Variants in LGI1 observed in about 807,000 individuals in gnomAD.
LGI1 encodes leucine-rich glioma-inactivated protein 1.
LGI1 carries 11 observed loss-of-function variants against 57.7 expected under a neutral mutation model. The ratio of observed to expected loss-of-function variants is 0.19; its 90% CI spans 0.12 to 0.32. LGI1 has a LOEUF of 0.32. Among genes scored for constraint, LGI1 ranks in the 10% least tolerant of loss-of-function variants. LGI1 has a pLI of 1.00. For synonymous variants in LGI1, 222 were observed against 241.9 expected (o/e 0.92, Z 0.76); for missense variants, 422 against 661.9 (o/e 0.64, Z 3.98).
chr10:93,785,062 T>C (rs1173902692), intron 4 of LGI1, among the ~76,000 whole-genome samples: 2 of 152,208 alleles, frequency 1.3e-5, no homozygotes, highest in African/African-American at 4.8e-5. Context: ...GAAATAATTA[T>C]TATTCCATAT....
intron 4 of LGI1, 46 bp from the exon 5 acceptor site, chr10:93,790,053 T>G: frequency 6.5e-7 from 1 of 1,539,662 alleles, no homozygotes; most frequent in South Asian, 1.2e-5. Flanking sequence ...TGCCTTTGTT[T>G]AATTTATCAC....
intron 2 of LGI1, chr10:93,767,178 G>A (rs1283062826): frequency 6.6e-6 from 1 of 152,190 alleles, no homozygotes; most frequent in Non-Finnish European, 1.5e-5. Flanking sequence ...AGAGCAGCTA[G>A]TTTCCCTAGG....
Position 93,760,646 on chromosome 10 carries a change from C to A in LGI1, c.287+1815C>A, listed in dbSNP as rs1381455736. Among the ~76,000 whole-genome samples the A allele has an allele frequency of 2.0e-5, 3 of 152,260 alleles. No individual in the cohort carries two copies. The East Asian group carries it at 5.8e-4, about 29-fold the overall frequency. The stretch of plus-strand genomic sequence containing the variant: ...TTTGTTTTTGTTGGGTGGACCCAGT[C>A]ACGGCAAGCACAGATGCTGGACAAT... On this transcript the variant is annotated intron_variant, in intron 2 of 7. Transcript: ENST00000371418.
intron 7 of LGI1, among the ~76,000 whole-genome samples, chr10:93,796,429 G>A (rs2059980266): frequency 6.6e-6 from 1 of 152,098 alleles, no homozygotes; most frequent in Non-Finnish European, 1.5e-5. Flanking sequence ...CCCCAGCTTG[G>A]GTTAAAAGCA....
At chr10:93,781,936 G>C (rs902489759) in intron 4 of LGI1, among the ~76,000 whole-genome samples, 1 of 152,156 alleles carries the variant, frequency 6.6e-6, no homozygotes, top group Non-Finnish European at 1.5e-5. Context: ...CACTGAGGGG[G>C]TACAAAGGAC....
chr10:93,789,086 A>T (rs1199991168), intron 4 of LGI1: 1 of 152,212 alleles, frequency 6.6e-6, no homozygotes, highest in Non-Finnish European at 1.5e-5. Flanking sequence ...TGACATTATC[A>T]GGACAATTTT....
At chr10:93,775,216 T>A (rs2059781887) in intron 2 of LGI1, among the ~76,000 whole-genome samples, 1 of 152,172 alleles carries the variant, frequency 6.6e-6, no homozygotes, top group Admixed American at 6.5e-5. Flanking sequence ...AAGATGCCCC[T>A]TGTGTTCTCT....
chr10:93,761,441 G>T (rs903844923), intron 2 of LGI1, among the ~76,000 whole-genome samples: 1 of 152,138 alleles, frequency 6.6e-6, no homozygotes, highest in African/African-American at 2.4e-5. Flanking sequence ...CTTTATTGTT[G>T]GGAAGGGTTA....
chr10:93,768,159 T>C (rs181148163), intron 2 of LGI1: 1 of 152,316 alleles, frequency 6.6e-6, no homozygotes, highest in Non-Finnish European at 1.5e-5. Flanking sequence ...CTCAACCCTT[T>C]GAAGATCGTG....
At chr10:93,776,039 A>G (rs944400542) in intron 2 of LGI1, 50 of 152,214 alleles carry the variant, frequency 3.3e-4, no homozygotes, top group African/African-American at 1.2e-3. Context: ...TGTGATGGAA[A>G]TCATACAGCT....
intron 2 of LGI1, among the ~76,000 whole-genome samples, chr10:93,760,623 TG>T (rs2059612675): frequency 6.6e-6 from 1 of 152,222 alleles, no homozygotes; most frequent in African/African-American, 2.4e-5. Context: ...ATCTCCACTT[TG>T]TTTTTGTTGG....
At chr10:93,780,764 T>A in intron 4 of LGI1, among the ~76,000 whole-genome samples, 1 of 152,194 alleles carries the variant, frequency 6.6e-6, no homozygotes. Context: ...ATAGCTTTTA[T>A]TGAGCTGGCT....
intron 7 of LGI1, among the ~76,000 whole-genome samples, chr10:93,796,141 G>C (rs1443920897): frequency 6.6e-6 from 1 of 152,202 alleles, no homozygotes; most frequent in Non-Finnish European, 1.5e-5. Context: ...TAACTTTCAG[G>C]AGCAGTGCCC....
chr10:93,758,899 G>A lies in LGI1; in HGVS notation c.287+68G>A, dbSNP rs2059594224. The A allele has an allele frequency of 1.2e-5, 13 of 1,094,292 alleles. No homozygotes were observed. The highest frequency in any genetic ancestry group is 1.2e-4 in the South Asian group (9 of 78,202). The allele number at this position is 1,094,292 out of a possible 1,614,324, so 67.8% of individuals were successfully genotyped here. On this transcript the variant is annotated intron_variant, in intron 2 of 7. Coordinates refer to ENST00000371418, the MANE Select transcript of LGI1 (RefSeq NM_005097.4). This position sits in a 1 kb window ranked among gnomAD's most constrained non-coding sequence, Gnocchi z 4.7. Reference sequence around the variant, plus strand: ...ATTTGGATAAGCCTTCTAGTAAAATGATCTCAATATTAATTTTGTCAAATG... The same window carrying A: ...ATTTGGATAAGCCTTCTAGTAAAATAATCTCAATATTAATTTTGTCAAATG...
At chr10:93,773,387 A>C (rs1275090515) in intron 2 of LGI1, among the ~76,000 whole-genome samples, 1 of 152,066 alleles carries the variant, frequency 6.6e-6, no homozygotes, top group Non-Finnish European at 1.5e-5. Context: ...GGGCCTTGCG[A>C]CCTCAAGGAA....
chr10:93,771,011 G>T (rs1326655855), intron 2 of LGI1: 1 of 151,596 alleles, frequency 6.6e-6, no homozygotes, highest in African/African-American at 2.4e-5. Flanking sequence ...CAGGAGAAAA[G>T]CAATAAAGAA....
chr10:93,796,393 T>G (rs1319135127), intron 7 of LGI1, among the ~76,000 whole-genome samples: 1 of 152,144 alleles, frequency 6.6e-6, no homozygotes, highest in Non-Finnish European at 1.5e-5. Flanking sequence ...TAAACCAAAT[T>G]TGAAGTCCTG....
rs983706600 is a variant in LGI1 at position 93,797,483 on chromosome 10, A to G, written c.1354A>G (p.Ile452Val). 3 of 1,614,208 alleles carry G rather than the reference A, an allele frequency of 1.9e-6. No homozygotes were observed. Among genetic ancestry groups the G allele is most frequent in the Non-Finnish European group, 2.5e-6 (3 of 1,180,026 alleles). ...CGTGTACATTTGCTTGACAAGATTC[A>G]TTGGTGATTCCAAAGTCATGAAATG... Reference protein sequence around the residue: ...GDVYICLTRFIGDSKVMKWGG... With the variant: ...GDVYICLTRFVGDSKVMKWGG... Residue 452 changes from isoleucine (I) to valine (V), a missense_variant, in exon 8 of 8, where the codon ATT becomes GTT. By Grantham distance (29) the Ile-to-Val change is conservative. Transcript: ENST00000371418. This position sits in a 1 kb window ranked among gnomAD's most constrained non-coding sequence, Gnocchi z 6.5.
At chr10:93,775,693 G>A (rs1359503333) in intron 2 of LGI1, among the ~76,000 whole-genome samples, 2 of 152,202 alleles carry the variant, frequency 1.3e-5, no homozygotes, top group Non-Finnish European at 2.9e-5. Context: ...GCATGGGCAA[G>A]TTCTGCCCAC....
Sources: gnomAD v4.1 joint callset for allele counts (sites outside exome capture counted in the v4.1 genomes callset) on GRCh38, gnomAD v4.1.1 for gene constraint, Gnocchi (gnomAD v3.1) non-coding constraint, MANE v1.5 for transcripts, NCBI Gene and HGNC (gene_info 2026-07-23, HGNC 2026-07-21) for gene names.